Variants in DENND4C observed in about 807,000 individuals in gnomAD.
DENND4C encodes DENN domain containing 4C.
A neutral mutation model predicts 203.0 loss-of-function variants in DENND4C; 108 were observed. That is an observed-to-expected ratio of 0.53 (90% CI 0.46 to 0.62). The LOEUF is 0.62. DENND4C is among the 20% of genes least tolerant of loss of function. The pLI is 0.00. For missense variants in DENND4C, 2,481 were observed against 2,301.2 expected (o/e 1.08, Z -1.60); for synonymous variants, 871 against 792.4 (o/e 1.10, Z -1.67).
intron 26 of DENND4C, 36 bp downstream of exon 26, chr9:19,352,701 C>T (rs775312019): frequency 6.8e-7 from 1 of 1,474,898 alleles, no homozygotes; most frequent in Non-Finnish European, 9.1e-7. Flanking sequence ...GAAGTAAGTA[C>T]CCTCAAAAAA....
chr9:19,342,124 CAA>C (rs34191941), intron 21 of DENND4C, among the ~76,000 whole-genome samples: 67 of 61,836 alleles, frequency 1.1e-3, no homozygotes, highest in African/African-American at 1.3e-3. Context: ...GACTCCATCT[CAA>C]AAAAAAAAAA....
chr9:19,287,002 A>G lies in DENND4C; in HGVS notation c.539A>G (p.Lys180Arg), dbSNP rs1835327360. 1 of 1,232,030 alleles carries G rather than the reference A, an allele frequency of 8.1e-7. No individual in the cohort carries two copies. The highest frequency in any genetic ancestry group is 1.6e-5 in the African/African-American group (1 of 64,428). The allele number at this position is 1,232,030 out of a possible 1,614,324, so 76.3% of individuals were successfully genotyped here. Reference sequence around the variant, plus strand: ...CCTCATACCTTCTGCAAAGTTGACAAAAACTTAAATTGTGGAATGGTAAGA... The same window carrying G: ...CCTCATACCTTCTGCAAAGTTGACAGAAACTTAAATTGTGGAATGGTAAGA... ...TPPHTFCKVD[K>R]NLNCGMWGSS... Residue 180 changes from lysine (K) to arginine (R), a missense_variant, in exon 3 of 33, where the codon AAA becomes AGA. This residue lies in a region of DENND4C where 2,289 missense variants were observed against 2,113.3 expected (regional missense o/e 1.08). Coordinates refer to ENST00000434457, the MANE Select transcript of DENND4C (RefSeq NM_001330640.2).
At chr9:19,310,370 T>C (rs1294851631) in intron 10 of DENND4C, among the ~76,000 whole-genome samples, 3 of 152,248 alleles carry the variant, frequency 2.0e-5, no homozygotes, top group Non-Finnish European at 4.4e-5. Flanking sequence ...ATTATTGATA[T>C]ACAACAGGGA....
intron 2 of DENND4C, among the ~76,000 whole-genome samples, chr9:19,281,946 C>T (rs764560150): frequency 6.6e-6 from 1 of 152,302 alleles, no homozygotes; most frequent in African/African-American, 2.4e-5. Context: ...CTGTATAGGG[C>T]ACTTACCATG....
In DENND4C at chr9:19,372,131, T is replaced by G. The variant is rs906188196; in HGVS notation, c.5835T>G (p.Ser1945Arg). The G allele has an allele frequency of 1.9e-6, 3 of 1,614,100 alleles. No homozygotes were observed. Among genetic ancestry groups the G allele is most frequent in the Non-Finnish European group, 2.5e-6 (3 of 1,179,990 alleles). Reference sequence around the variant, plus strand: ...AAATTGATGCTCCACCAAGTGCCAGTGTCGAGTGGTGCAGGAAGTGTTTTG... The same window carrying G: ...AAATTGATGCTCCACCAAGTGCCAGGGTCGAGTGGTGCAGGAAGTGTTTTG... Reference protein sequence around the residue: ...LQKIDAPPSASVEWCRKCFGA... With the variant: ...LQKIDAPPSARVEWCRKCFGA... The change falls in exon 33 of 33, where the codon AGT becomes AGG. Residue 1945 changes from serine (S) to arginine (R), a missense_variant. Around this residue, in one of 3 missense-constraint regions of DENND4C, gnomAD observed 2,289 missense variants for 2,113.3 expected, o/e 1.08. Coordinates refer to ENST00000434457, the MANE Select transcript of DENND4C (RefSeq NM_001330640.2).
At chr9:19,318,567 G>A (rs1842222387) in intron 12 of DENND4C, among the ~76,000 whole-genome samples, 2 of 152,322 alleles carry the variant, frequency 1.3e-5, no homozygotes, top group East Asian at 1.9e-4. Flanking sequence ...CCATAACAAA[G>A]TACCACAGAC....
Position 19,296,057 on chromosome 9 carries a change from T to C in DENND4C, c.851T>C (p.Leu284Pro), listed in dbSNP as rs1397030286. ...QFYEPYSREL[L>P]SEKQLMHLGL... ...TATGAACCTTACTCTCGGGAACTTCTATCAGAGAAACAGCTTATGCACCTG... is the reference window on the plus strand; with the variant it reads ...TATGAACCTTACTCTCGGGAACTTCCATCAGAGAAACAGCTTATGCACCTG... The change falls in exon 6 of 33, where the codon CTA becomes CCA. Residue 284 changes from leucine (L) to proline (P), a missense_variant. Around this residue, in one of 3 missense-constraint regions of DENND4C, gnomAD observed 2,289 missense variants for 2,113.3 expected, o/e 1.08. Transcript: ENST00000434457. 1 of 1,614,044 alleles carries C rather than the reference T, an allele frequency of 6.2e-7. No homozygotes were observed. The highest frequency in any genetic ancestry group is 8.5e-7 in the Non-Finnish European group (1 of 1,180,018).
intron 1 of DENND4C, among the ~76,000 whole-genome samples, chr9:19,242,805 G>A (rs1017423998): frequency 1.1e-4 from 16 of 152,002 alleles, no homozygotes; most frequent in Non-Finnish European, 2.2e-4. Context: ...ATAGGCGCAT[G>A]CCACCATGCC....
chr9:19,269,839 A>C (rs555806200), intron 1 of DENND4C, among the ~76,000 whole-genome samples: 29 of 152,230 alleles, frequency 1.9e-4, no homozygotes, highest in African/African-American at 6.3e-4. Context: ...CTGGGCATTG[A>C]AGAGTTAGGT....
At chr9:19,309,218 T>C (rs1588890018) in intron 10 of DENND4C, among the ~76,000 whole-genome samples, 1 of 151,718 alleles carries the variant, frequency 6.6e-6, no homozygotes. Context: ...GGGTCGGGAG[T>C]TTGAGACCAG....
At chr9:19,285,054 A>G (rs969823909) in intron 2 of DENND4C, among the ~76,000 whole-genome samples, 10 of 152,166 alleles carry the variant, frequency 6.6e-5, no homozygotes, top group Admixed American at 2.0e-4. Context: ...AGTGTGAAGT[A>G]TAGACAGAAT....
chr9:19,294,048 A>G (rs758654706), intron 5 of DENND4C, among the ~76,000 whole-genome samples: 22 of 152,156 alleles, frequency 1.4e-4, no homozygotes, highest in Non-Finnish European at 2.8e-4. Flanking sequence ...TTTTGAAAAT[A>G]TTGGTTTGAG....
Position 19,276,272 on chromosome 9 carries a change from A to C in DENND4C, c.98A>C (p.Asp33Ala), listed in dbSNP as rs1267759178. 2 of 1,231,980 alleles carry C rather than the reference A, an allele frequency of 1.6e-6. No individual in the cohort carries two copies. The highest frequency in any genetic ancestry group is 2.0e-6 in the Non-Finnish European group (2 of 987,912). 76.3% of individuals were successfully genotyped at this position (1,231,980 alleles called of 1,614,324 possible). A position where few individuals can be genotyped will look rare whatever the true frequency, so the allele number is the denominator to read the frequency against. Residue 33 changes from aspartate (D) to alanine (A), a missense_variant, in exon 2 of 33, where the codon GAT becomes GCT. Around this residue, in one of 3 missense-constraint regions of DENND4C, gnomAD observed 187 missense variants for 167.4 expected, o/e 1.12. Transcript: ENST00000434457. ...TTGGATCAAGAAATAAATCGTTTAG[A>C]TACTAAGTCAACTGGACCTAAAGCT... ...TLLDQEINRL[D>A]TKSTGPKAPI...
Position 19,316,735 on chromosome 9 carries a change from G to A in DENND4C, c.1703G>A (p.Arg568His), listed in dbSNP as rs201746003. The A allele has an allele frequency of 1.5e-5, 25 of 1,613,904 alleles. No homozygotes were observed. In the East Asian group the frequency reaches 2.5e-4, roughly 16 times the overall value. ...ATGGAAATTCAAGAGGCATTTTTGCGCTTTATGGCGTCTATTTTAAAAGGA... is the reference window on the plus strand; with the variant it reads ...ATGGAAATTCAAGAGGCATTTTTGCACTTTATGGCGTCTATTTTAAAAGGA... ...LEMEIQEAFL[R>H]FMASILKGYR... The change falls in exon 12 of 33, where the codon CGC becomes CAC. Residue 568 changes from arginine to histidine, a missense_variant. By Grantham distance (29) the Arg-to-His change is conservative. Coordinates refer to ENST00000434457, the MANE Select transcript of DENND4C (RefSeq NM_001330640.2).
intron 2 of DENND4C, among the ~76,000 whole-genome samples, chr9:19,277,118 C>T (rs61329215): frequency 0.028 from 4,188 of 152,050 alleles, 183 homozygotes; most frequent in African/African-American, 0.093. Context: ...ACCATATATA[C>T]ATGTGATGTA....
intron 30 of DENND4C, among the ~76,000 whole-genome samples, chr9:19,369,071 GC>G (rs570079669): frequency 6.6e-4 from 101 of 152,264 alleles, no homozygotes; most frequent in Admixed American, 3.0e-3. Flanking sequence ...GACTGCTTGA[GC>G]CCAGGAGTTG....
rs184782484 is a variant in DENND4C at position 19,308,672 on chromosome 9, A to G, written c.1487+3145A>G. Among the ~76,000 whole-genome samples, 846 of 152,224 alleles carry G rather than the reference A, an allele frequency of 5.6e-3. 3 individuals carry two copies. Among genetic ancestry groups the G allele is most frequent in the Non-Finnish European group, 8.0e-3 (544 of 68,014 alleles). On this transcript the variant is annotated intron_variant, in intron 10 of 32. Coordinates refer to ENST00000434457, the MANE Select transcript of DENND4C (RefSeq NM_001330640.2). The stretch of plus-strand genomic sequence containing the variant: ...AACAGGGGCTCATCTTAATTTATCA[A>G]ATTTATTAATTTCTCTTTATGGAGT...
At chr9:19,324,219 A>C in intron 12 of DENND4C, 143 bp from the exon 13 acceptor site, 1 of 507,836 alleles carries the variant, frequency 2.0e-6, no homozygotes, top group Non-Finnish European at 3.1e-6. Flanking sequence ...GAGATACTCA[A>C]CCTATAGAAG....
chr9:19,282,445 G>T (rs1225714952), intron 2 of DENND4C, among the ~76,000 whole-genome samples: 1 of 151,088 alleles, frequency 6.6e-6, no homozygotes, highest in Non-Finnish European at 1.5e-5. Context: ...GTAGAGATGG[G>T]GTTTCGCCTT....
Sources: gnomAD v4.1 joint callset for allele counts (sites outside exome capture counted in the v4.1 genomes callset) on GRCh38, gnomAD v4.1.1 for gene constraint, gnomAD v4.1.1 regional missense constraint, MANE v1.5 for transcripts, NCBI Gene and HGNC (gene_info 2026-07-23, HGNC 2026-07-21) for gene names.